The following NEK10 variants were observed in gnomAD, a reference collection of about 807,000 sequenced individuals.
NEK10 encodes the protein serine/threonine-protein kinase Nek10.
NEK10 carries 122 observed loss-of-function variants against 159.8 expected under a neutral mutation model. That is an observed-to-expected ratio of 0.76 (90% CI 0.66 to 0.89). The LOEUF (loss-of-function observed/expected upper bound fraction) is 0.89, where lower values mean the gene tolerates loss of function less well. NEK10 is among the 40% of genes least tolerant of loss of function. The pLI is 0.00. For synonymous variants in NEK10, 466 were observed against 457.1 expected, an observed-to-expected ratio of 1.02 and a Z score of -0.25; for missense variants, 1,342 against 1,323.1, an observed-to-expected ratio of 1.01 and a Z score of -0.22.
At chr3:27,237,515 C>A (rs1954067755) in intron 23 of NEK10, among the ~76,000 whole-genome samples, 1 of 152,136 alleles carries the variant, frequency 6.6e-6, no homozygotes. Context: ...TGTTCCTCTG[C>A]CGTGGCTCCA....
At chr3:27,247,817 TTTC>T (rs1955232433) in intron 23 of NEK10, among the ~76,000 whole-genome samples, 1 of 140,040 alleles carries the variant, frequency 7.1e-6, no homozygotes, top group Non-Finnish European at 1.6e-5. Context: ...TTTCTTTTCT[TTTC>T]TTTTTTTTTT....
intron 5 of NEK10, among the ~76,000 whole-genome samples, chr3:27,326,229 A>G (rs2045989557): frequency 6.6e-6 from 1 of 152,252 alleles, no homozygotes; most frequent in Non-Finnish European, 1.5e-5. Flanking sequence ...AAGAGGGCAC[A>G]TGACAAGTTT....
At chr3:27,150,780 AATAG>A (rs1323791650) in intron 30 of NEK10, among the ~76,000 whole-genome samples, 1 of 152,206 alleles carries the variant, frequency 6.6e-6, no homozygotes, top group East Asian at 1.9e-4. Flanking sequence ...CTATAGCTGC[AATAG>A]ATAGTGATTC....
At chr3:27,226,800 A>T (rs190461496) in intron 23 of NEK10, among the ~76,000 whole-genome samples, 1 of 152,190 alleles carries the variant, frequency 6.6e-6, no homozygotes, top group African/African-American at 2.4e-5. Flanking sequence ...AAAACAAACC[A>T]CTTCTATCAA....
intron 22 of NEK10, among the ~76,000 whole-genome samples, chr3:27,282,671 ACATAACTGTGT>A (rs1173357144): frequency 7.1e-5 from 10 of 141,758 alleles, no homozygotes; most frequent in African/African-American, 2.7e-4. Context: ...TTATATATAT[ACATAACTGTGT>A]TATATATATA....
At chr3:27,116,813 T>A (rs894171527) in intron 33 of NEK10, among the ~76,000 whole-genome samples, 1 of 151,886 alleles carries the variant, frequency 6.6e-6, no homozygotes, top group Admixed American at 6.6e-5. Context: ...TTTTTTTTTT[T>A]AATTTAATTT....
intron 20 of NEK10, among the ~76,000 whole-genome samples, chr3:27,287,336 G>GA (rs1243583178): frequency 6.6e-6 from 1 of 152,132 alleles, no homozygotes; most frequent in Non-Finnish European, 1.5e-5. Context: ...TTTGGGGATG[G>GA]AAAATGACAC....
At chr3:27,113,842 C>T (rs970544560) in intron 35 of NEK10, among the ~76,000 whole-genome samples, 1 of 152,122 alleles carries the variant, frequency 6.6e-6, no homozygotes, top group African/African-American at 2.4e-5. Flanking sequence ...AAGTTCCTTG[C>T]ACACTTAGTT....
intron 32 of NEK10, 65 bp from the exon 33 acceptor site, chr3:27,119,933 GTGT>G: frequency 1.6e-6 from 2 of 1,222,474 alleles, no homozygotes; most frequent in East Asian, 4.7e-5. Context: ...GGAGACCTCT[GTGT>G]GGGGTTTTTC....
intron 29 of NEK10, among the ~76,000 whole-genome samples, chr3:27,166,117 G>A (rs1946451203): frequency 6.6e-6 from 1 of 152,184 alleles, no homozygotes; most frequent in African/African-American, 2.4e-5. Context: ...CACCATGTGA[G>A]CTAATGAGCA....
At chr3:27,215,912 C>G (rs1381586731) in intron 23 of NEK10, 1 of 684,728 alleles carries the variant, frequency 1.5e-6, no homozygotes, top group African/African-American at 1.8e-5. Flanking sequence ...GAAAACTCAC[C>G]ATCATGAGAA....
chr3:27,215,888 C>G (rs1046889350), intron 23 of NEK10: 4 of 703,078 alleles, frequency 5.7e-6, no homozygotes, highest in African/African-American at 1.8e-5. Context: ...ACACTTTAAA[C>G]AACCAGATCA....
intron 23 of NEK10, among the ~76,000 whole-genome samples, chr3:27,242,864 A>G (rs990764881): frequency 1.3e-5 from 2 of 152,214 alleles, no homozygotes; most frequent in African/African-American, 4.8e-5. Context: ...CTTAACTGCC[A>G]AATGTGAGGA....
At chr3:27,190,026 C>T (rs947632547) in intron 26 of NEK10, among the ~76,000 whole-genome samples, 5 of 152,102 alleles carry the variant, frequency 3.3e-5, no homozygotes, top group Admixed American at 3.3e-4. Flanking sequence ...CAAGTTCCAT[C>T]AACAAACTAT....
At chr3:27,215,321 T>C (rs1385787603) in intron 23 of NEK10, among the ~76,000 whole-genome samples, 4 of 152,156 alleles carry the variant, frequency 2.6e-5, no homozygotes, top group Non-Finnish European at 5.9e-5. Context: ...GCCAACTCTA[T>C]ATGGAGAGAA....
chr3:27,219,541 T>G (rs1349869916), intron 23 of NEK10, among the ~76,000 whole-genome samples: 1 of 152,264 alleles, frequency 6.6e-6, no homozygotes, highest in East Asian at 1.9e-4. Context: ...GAAAATGACA[T>G]CTGGTTTCAT....
chr3:27,139,369 T>C (rs1487104106), intron 31 of NEK10, among the ~76,000 whole-genome samples: 1 of 152,150 alleles, frequency 6.6e-6, no homozygotes, highest in Non-Finnish European at 1.5e-5. Flanking sequence ...AAAAGGGATG[T>C]TCATTTCCTC....
intron 30 of NEK10, among the ~76,000 whole-genome samples, chr3:27,153,061 C>T (rs1945041545): frequency 6.6e-6 from 1 of 152,070 alleles, no homozygotes; most frequent in Non-Finnish European, 1.5e-5. Context: ...GTGGCTCATG[C>T]CTGTAATCCC....
chr3:27,316,700 AACTC>A (rs1427832944), intron 6 of NEK10, among the ~76,000 whole-genome samples: 1 of 152,178 alleles, frequency 6.6e-6, no homozygotes, highest in Non-Finnish European at 1.5e-5. Context: ...ATATGGGACT[AACTC>A]AATGTTTCCT....
Sources: allele counts gnomAD v4.1 joint callset (sites outside exome capture counted in the v4.1 genomes callset), GRCh38; gene constraint gnomAD v4.1.1; transcripts MANE v1.5; gene names NCBI Gene and HGNC (gene_info 2026-07-23, HGNC 2026-07-21).